Variants in CNBD1 observed in about 807,000 individuals in gnomAD.
CNBD1 encodes the protein cyclic nucleotide-binding domain-containing protein 1.
A neutral mutation model predicts 54.4 loss-of-function variants in CNBD1; 71 were observed. The observed-to-expected ratio is 1.30, with a 90% CI of 1.08 to 1.59. The LOEUF is 1.59. Ranked by LOEUF, CNBD1 falls within the 40% of genes most tolerant of loss-of-function variation. CNBD1 has a pLI of 0.00. For synonymous variants in CNBD1, 182 were observed against 170.7 expected (o/e 1.07, Z -0.51); for missense variants, 659 against 518.0 (o/e 1.27, Z -2.64).
chr8:87,307,748 T>TTATATA (rs35262193), intron 8 of CNBD1, among the ~76,000 whole-genome samples: 7,730 of 137,884 alleles, frequency 0.056, 309 homozygotes, highest in African/African-American at 0.074. Flanking sequence ...AAAAAAAAAA[T>TTATATA]TATATATATA....
At chr8:87,332,360 A>T (rs540167273) in intron 8 of CNBD1, among the ~76,000 whole-genome samples, 5 of 152,092 alleles carry the variant, frequency 3.3e-5, no homozygotes, top group African/African-American at 1.2e-4. Context: ...GAAAAAAAAA[A>T]AAAAAAGAAA....
chr8:87,241,380 C>T (rs1807701965), intron 6 of CNBD1, among the ~76,000 whole-genome samples: 1 of 149,242 alleles, frequency 6.7e-6, no homozygotes, highest in African/African-American at 2.5e-5. Flanking sequence ...ACGTCATTCT[C>T]CTGCTTCAGC....
At chr8:87,059,195 G>A (rs1457314175) in intron 4 of CNBD1, among the ~76,000 whole-genome samples, 1 of 152,134 alleles carries the variant, frequency 6.6e-6, no homozygotes, top group Non-Finnish European at 1.5e-5. Flanking sequence ...AGCAGTTTGG[G>A]CAAAGTCATT....
At chr8:87,095,289 C>G (rs1811295038) in intron 4 of CNBD1, among the ~76,000 whole-genome samples, 1 of 152,162 alleles carries the variant, frequency 6.6e-6, no homozygotes, top group African/African-American at 2.4e-5. Flanking sequence ...GATTTGAATT[C>G]CTGGAAAACC....
At chr8:87,341,804 G>C (rs1188711875) in intron 8 of CNBD1, among the ~76,000 whole-genome samples, 2 of 152,208 alleles carry the variant, frequency 1.3e-5, no homozygotes, top group Admixed American at 6.5e-5. Flanking sequence ...CTGGTGCTTT[G>C]ATATTGGTCT....
chr8:87,391,602 T>C (rs1009265950), intron 2 of CNBD1, among the ~76,000 whole-genome samples: 5 of 152,056 alleles, frequency 3.3e-5, no homozygotes, highest in Non-Finnish European at 7.4e-5. Context: ...AGGGGAAGAA[T>C]AATCTTTTCA....
intron 10 of CNBD1, among the ~76,000 whole-genome samples, chr8:87,376,020 A>G (rs113089068): frequency 3.3e-5 from 5 of 151,622 alleles, no homozygotes; most frequent in African/African-American, 1.2e-4. Context: ...TTTAAAAATT[A>G]TGCAATATGA....
intron 4 of CNBD1, among the ~76,000 whole-genome samples, chr8:86,974,486 G>A (rs940722965): frequency 5.3e-5 from 8 of 151,974 alleles, no homozygotes; most frequent in African/African-American, 1.2e-4. Context: ...ATTCACAATA[G>A]CATTGTTTAT....
At chr8:87,008,770 A>C (rs562252534) in intron 4 of CNBD1, among the ~76,000 whole-genome samples, 2 of 152,262 alleles carry the variant, frequency 1.3e-5, no homozygotes, top group East Asian at 1.9e-4. Context: ...AGGAATCACT[A>C]TTTCTTTCTT....
chr8:86,885,489 G>T (rs1487943420), intron 1 of CNBD1, among the ~76,000 whole-genome samples: 1 of 152,068 alleles, frequency 6.6e-6, no homozygotes, highest in Non-Finnish European at 1.5e-5. Flanking sequence ...GCCAGGCTAA[G>T]GCAAATCCAT....
intron 4 of CNBD1, among the ~76,000 whole-genome samples, chr8:86,949,058 G>C (rs187151546): frequency 6.6e-6 from 1 of 152,196 alleles, no homozygotes; most frequent in East Asian, 1.9e-4. Context: ...TGAGCTCACT[G>C]TATATATATG....
intron 4 of CNBD1, among the ~76,000 whole-genome samples, chr8:87,198,845 T>G (rs1033232822): frequency 6.6e-6 from 1 of 152,082 alleles, no homozygotes; most frequent in African/African-American, 2.4e-5. Context: ...ACTGGATAAT[T>G]TATAAAGAAA....
chr8:87,258,855 A>T (rs1031902858), intron 6 of CNBD1, among the ~76,000 whole-genome samples: 4 of 152,220 alleles, frequency 2.6e-5, no homozygotes, highest in African/African-American at 9.6e-5. Flanking sequence ...ACTGAAAAAC[A>T]AATAATATCC....
chr8:86,959,488 A>G (rs1274158258), intron 4 of CNBD1, among the ~76,000 whole-genome samples: 6 of 152,158 alleles, frequency 3.9e-5, no homozygotes, highest in African/African-American at 1.2e-4. Flanking sequence ...AGGTACACCA[A>G]TGAGATGTAG....
At chr8:87,305,355 C>A (rs1272506285) in intron 8 of CNBD1, among the ~76,000 whole-genome samples, 1 of 152,030 alleles carries the variant, frequency 6.6e-6, no homozygotes, top group African/African-American at 2.4e-5. Flanking sequence ...CAAATCAATG[C>A]ACTTCCCATC....
Position 86,882,114 on chromosome 8 carries a change from A to T in CNBD1, c.89-5428A>T, listed in dbSNP as rs147141048. 3.6e-4 allele frequency among the ~76,000 whole-genome samples: 55 copies of T among 152,290 alleles called. 1 individual carries two copies. The highest frequency in any genetic ancestry group is 1.3e-3 in the African/African-American group (53 of 41,572). ...AACCTAGGCAATACCATTCAGAGGC[A>T]TGGGCAAAGATTTCATGATGAAGAT... On this transcript the variant is annotated intron_variant, in intron 1 of 10. Coordinates refer to ENST00000518476, the MANE Select transcript of CNBD1 (RefSeq NM_173538.3).
intron 4 of CNBD1, among the ~76,000 whole-genome samples, chr8:86,968,306 C>T (rs1300318735): frequency 1.3e-5 from 2 of 152,114 alleles, no homozygotes; most frequent in Admixed American, 1.3e-4. Context: ...ATCATGAGGG[C>T]CTGATAAGGT....
chr8:87,419,570 A>G (rs1405009119), intron 2 of CNBD1, among the ~76,000 whole-genome samples: 1 of 151,988 alleles, frequency 6.6e-6, no homozygotes, highest in Admixed American at 6.6e-5. Context: ...ATAGTCATTC[A>G]GAATGTGTTG....
intron 8 of CNBD1, among the ~76,000 whole-genome samples, chr8:87,303,858 A>T (rs1338394222): frequency 6.6e-6 from 1 of 152,146 alleles, no homozygotes; most frequent in African/African-American, 2.4e-5. Flanking sequence ...AAAAGAAGAT[A>T]TTAAACAGCC....
Sources: allele counts gnomAD v4.1 joint callset (sites outside exome capture counted in the v4.1 genomes callset), GRCh38; gene constraint gnomAD v4.1.1; transcripts MANE v1.5; gene names NCBI Gene and HGNC (gene_info 2026-07-23, HGNC 2026-07-21).